The following ZNF536 variants were observed in gnomAD, a reference collection of about 807,000 sequenced individuals.
ZNF536 encodes zinc finger protein 536.
A neutral mutation model predicts 84.5 loss-of-function variants in ZNF536; 13 were observed. The observed-to-expected ratio is 0.15, with a 90% CI of 0.10 to 0.24. The LOEUF is 0.24. Among genes scored for constraint, ZNF536 ranks in the 10% least tolerant of loss-of-function variants. The pLI is 1.00. For synonymous variants in ZNF536, 811 were observed against 742.5 expected, an observed-to-expected ratio of 1.09 and a Z score of -1.50; for missense variants, 1,536 against 1,747.5, an observed-to-expected ratio of 0.88 and a Z score of 2.16.
chr19:30,470,724 C>T (rs1413723023), intron 2 of ZNF536, among the ~76,000 whole-genome samples: 5 of 143,362 alleles, frequency 3.5e-5, no homozygotes, highest in South Asian at 2.3e-4. Context: ...CTCGCTCTAT[C>T]GCCCAGGCTG....
chr19:30,652,861 G>A (rs955332929), intron 1 of ZNF536, among the ~76,000 whole-genome samples: 2 of 152,146 alleles, frequency 1.3e-5, no homozygotes, highest in Non-Finnish European at 2.9e-5. Flanking sequence ...CTCCTGCAGC[G>A]ATGGAAGCCA....
intron 1 of ZNF536, among the ~76,000 whole-genome samples, chr19:30,259,619 CCCATGTT>C (rs1219490110): frequency 1.3e-5 from 2 of 152,180 alleles, no homozygotes; most frequent in Non-Finnish European, 2.9e-5. Context: ...AAGCCCAATC[CCCATGTT>C]CCAGAACTTT....
intron 1 of ZNF536, among the ~76,000 whole-genome samples, chr19:30,282,198 T>C (rs1477123001): frequency 1.3e-5 from 2 of 152,214 alleles, no homozygotes; most frequent in Non-Finnish European, 2.9e-5. Flanking sequence ...TAACTTGATT[T>C]CTTTTCCTAA....
intron 2 of ZNF536, among the ~76,000 whole-genome samples, chr19:30,335,910 A>G (rs2047367890): frequency 6.6e-6 from 1 of 152,182 alleles, no homozygotes; most frequent in Non-Finnish European, 1.5e-5. Context: ...GCCCTGGCTC[A>G]GATGACCATC....
chr19:30,262,728 T>G (rs2025291225), intron 1 of ZNF536, among the ~76,000 whole-genome samples: 1 of 151,996 alleles, frequency 6.6e-6, no homozygotes, highest in Non-Finnish European at 1.5e-5. Flanking sequence ...CCTGCAATGG[T>G]GGGGACATAG....
intron 2 of ZNF536, among the ~76,000 whole-genome samples, chr19:30,333,787 C>T (rs529908937): frequency 1.7e-4 from 26 of 152,322 alleles, no homozygotes; most frequent in African/African-American, 6.3e-4. Context: ...AATTAGTGGG[C>T]TGTGCCTGTG....
At chr19:30,643,901 A>G (rs1011510548) in intron 1 of ZNF536, among the ~76,000 whole-genome samples, 1 of 152,230 alleles carries the variant, frequency 6.6e-6, no homozygotes, top group South Asian at 2.1e-4. Flanking sequence ...CAAAGTAGAA[A>G]TTCCCAAATT....
At chr19:30,329,285 C>A (rs891288112) in intron 2 of ZNF536, among the ~76,000 whole-genome samples, 1 of 152,122 alleles carries the variant, frequency 6.6e-6, no homozygotes, top group Non-Finnish European at 1.5e-5. Context: ...CGTAGGAATG[C>A]GGTCCTGCTT....
At chr19:30,598,730 G>T (rs1465424786) in intron 1 of ZNF536, among the ~76,000 whole-genome samples, 1 of 151,908 alleles carries the variant, frequency 6.6e-6, no homozygotes, top group Non-Finnish European at 1.5e-5. Context: ...AAACCAACAG[G>T]CTCTAATCTG....
At chr19:30,674,781 T>G (rs747429957) in intron 1 of ZNF536, among the ~76,000 whole-genome samples, 1 of 152,160 alleles carries the variant, frequency 6.6e-6, no homozygotes, top group Admixed American at 6.5e-5. Flanking sequence ...TGTTCTTGGT[T>G]GGTATTCGAG....
chr19:30,338,030 G>A (rs1432778687), intron 2 of ZNF536, among the ~76,000 whole-genome samples: 1 of 151,582 alleles, frequency 6.6e-6, no homozygotes, highest in Non-Finnish European at 1.5e-5. Flanking sequence ...GGTGGATTAT[G>A]ATGACAGTGG....
intron 1 of ZNF536, among the ~76,000 whole-genome samples, chr19:30,413,037 T>C (rs2050562165): frequency 6.6e-6 from 1 of 152,122 alleles, no homozygotes; most frequent in Non-Finnish European, 1.5e-5. Context: ...TTATCATTAT[T>C]TTAAAATGTG....
intron 2 of ZNF536, among the ~76,000 whole-genome samples, chr19:30,489,576 G>A (rs1053159295): frequency 1.3e-5 from 2 of 151,476 alleles, no homozygotes; most frequent in African/African-American, 4.9e-5. Flanking sequence ...AGTGAGACTC[G>A]GTCTCTAAAA....
At chr19:30,540,033 A>G (rs556209041) in intron 3 of ZNF536, among the ~76,000 whole-genome samples, 16 of 152,232 alleles carry the variant, frequency 1.1e-4, no homozygotes, top group Non-Finnish European at 2.1e-4. Context: ...TGAGTGGTTT[A>G]TTAATCTGGT....
At chr19:30,504,417 CTCTT>C (rs1197833553) in intron 2 of ZNF536, among the ~76,000 whole-genome samples, 3 of 117,136 alleles carry the variant, frequency 2.6e-5, no homozygotes, top group African/African-American at 4.4e-5. Context: ...TCTCTCCTCC[CTCTT>C]TCCTTCCTTC....
In ZNF536 at chr19:30,667,511, GA is replaced by G. The variant is rs140507476; in HGVS notation, c.170-43245del. Among the ~76,000 whole-genome samples, 631 of 152,208 alleles carry G rather than the reference GA, an allele frequency of 4.1e-3. 3 individuals are homozygous for G. The highest frequency in any genetic ancestry group is 0.014 in the African/African-American group (598 of 41,524). On this transcript the variant is annotated intron_variant, in intron 1 of 1. Coordinates refer to the ZNF536 transcript ENST00000592773. ...TGAGTGGGAAGGTGGGTGGTTAGGAGACCTGAAATGCCGAAGTGTCCCCAAT... is the reference window on the plus strand; with the variant it reads ...TGAGTGGGAAGGTGGGTGGTTAGGAGCCTGAAATGCCGAAGTGTCCCCAAT...
At chr19:30,376,387 C>T (rs999319567) in intron 1 of ZNF536, among the ~76,000 whole-genome samples, 1 of 152,170 alleles carries the variant, frequency 6.6e-6, no homozygotes, top group Non-Finnish European at 1.5e-5. Flanking sequence ...CATAGAGGTG[C>T]CTTGCCATTT....
At chr19:30,307,574 C>T (rs1167822664) in intron 2 of ZNF536, among the ~76,000 whole-genome samples, 1 of 152,046 alleles carries the variant, frequency 6.6e-6, no homozygotes, top group Non-Finnish European at 1.5e-5. Context: ...ACCCAAGAGT[C>T]ACCCTAACCG....
chr19:30,644,570 T>C (rs1411026153), intron 1 of ZNF536, among the ~76,000 whole-genome samples: 1 of 152,086 alleles, frequency 6.6e-6, no homozygotes, highest in African/African-American at 2.4e-5. Context: ...CCTGTGTCCA[T>C]GTGTTCTCAT....
Sources: gnomAD v4.1 joint callset for allele counts (sites outside exome capture counted in the v4.1 genomes callset) on GRCh38, gnomAD v4.1.1 for gene constraint, MANE v1.5 for transcripts, NCBI Gene and HGNC (gene_info 2026-07-23, HGNC 2026-07-21) for gene names.